Variants in PDIA5 observed in about 807,000 individuals in gnomAD.
PDIA5 encodes protein disulfide isomerase family A member 5.
A neutral mutation model predicts 77.6 loss-of-function variants in PDIA5; 58 were observed. That is an observed-to-expected ratio of 0.75 (90% CI 0.61 to 0.93). PDIA5 has a LOEUF of 0.93. Among genes scored for constraint, PDIA5 ranks in the 40% least tolerant of loss-of-function variants. The probability of loss-of-function intolerance (pLI) is 0.00; values close to 1 mark genes in which losing one functional copy is unlikely to be tolerated. For missense variants in PDIA5, 630 were observed against 647.7 expected (o/e 0.97, Z 0.30); for synonymous variants, 250 against 252.1 (o/e 0.99, Z 0.08).
chr3:123,123,430 G>A (rs1482352517), intron 8 of PDIA5, among the ~76,000 whole-genome samples: 1 of 152,206 alleles, frequency 6.6e-6, no homozygotes, highest in African/African-American at 2.4e-5. Context: ...CCAACAGGAG[G>A]AAACACTGGG....
At chr3:123,108,558 G>C (rs1438589859) in intron 6 of PDIA5, among the ~76,000 whole-genome samples, 1 of 149,400 alleles carries the variant, frequency 6.7e-6, no homozygotes, top group East Asian at 2.1e-4. Context: ...GAGATTACAG[G>C]CGTGAGCCAC....
chr3:123,086,478 G>C (rs1268087129), intron 1 of PDIA5, among the ~76,000 whole-genome samples: 1 of 152,166 alleles, frequency 6.6e-6, no homozygotes, highest in Non-Finnish European at 1.5e-5. Context: ...TCAGATCCTG[G>C]CTCTACTTAC....
intron 8 of PDIA5, among the ~76,000 whole-genome samples, chr3:123,122,445 A>G (rs1307277487): frequency 1.4e-5 from 2 of 147,416 alleles, no homozygotes; most frequent in Non-Finnish European, 3.0e-5. Flanking sequence ...ATGGGCTAGG[A>G]AAAAAAAAAC....
At chr3:123,091,379 A>G (rs1934277976) in intron 2 of PDIA5, among the ~76,000 whole-genome samples, 2 of 152,102 alleles carry the variant, frequency 1.3e-5, no homozygotes. Flanking sequence ...AAAGCAGCAG[A>G]TCGCTCTCCC....
At chr3:123,104,553 G>A (rs537405783) in intron 5 of PDIA5, among the ~76,000 whole-genome samples, 3 of 152,392 alleles carry the variant, frequency 2.0e-5, no homozygotes, top group East Asian at 1.9e-4. Flanking sequence ...GGTCACAGAC[G>A]CTGTGCCACG....
chr3:123,130,697 C>T (rs1229989612), intron 11 of PDIA5, 81 bp downstream of exon 11: 32 of 1,496,088 alleles, frequency 2.1e-5, no homozygotes, highest in South Asian at 3.6e-5. Context: ...CAATGTGAAC[C>T]CAGGAAGCAC....
intron 6 of PDIA5, among the ~76,000 whole-genome samples, chr3:123,107,939 C>G (rs1041797127): frequency 6.6e-6 from 1 of 152,166 alleles, no homozygotes; most frequent in Non-Finnish European, 1.5e-5. Flanking sequence ...AGTGGGACTA[C>G]AGGCACATGC....
intron 3 of PDIA5, among the ~76,000 whole-genome samples, chr3:123,095,799 G>C (rs1934420813): frequency 1.3e-5 from 2 of 151,814 alleles, no homozygotes; most frequent in African/African-American, 4.8e-5. Context: ...GAATTTGTAG[G>C]ACTAAATGTC....
At chr3:123,107,038 G>A (rs1934752771) in intron 6 of PDIA5, among the ~76,000 whole-genome samples, 197 bp downstream of exon 6, 1 of 152,170 alleles carries the variant, frequency 6.6e-6, no homozygotes, top group Non-Finnish European at 1.5e-5. Context: ...GGTGATCACA[G>A]GTTGCCTGAG....
chr3:123,118,117 G>C (rs939546502), intron 8 of PDIA5, among the ~76,000 whole-genome samples: 2 of 152,224 alleles, frequency 1.3e-5, no homozygotes, highest in African/African-American at 4.8e-5. Context: ...TGCTCGCCAA[G>C]CTGCAAGATG....
chr3:123,114,135 T>C (rs1277223500), intron 7 of PDIA5, among the ~76,000 whole-genome samples: 1 of 152,236 alleles, frequency 6.6e-6, no homozygotes, highest in Non-Finnish European at 1.5e-5. Flanking sequence ...CAGGGTGTTA[T>C]TGCTGCAGGC....
At chr3:123,107,888 A>C (rs1934773488) in intron 6 of PDIA5, among the ~76,000 whole-genome samples, 1 of 151,894 alleles carries the variant, frequency 6.6e-6, no homozygotes, top group African/African-American at 2.4e-5. Flanking sequence ...TGTAACCTTG[A>C]ATTCCTGGGC....
intron 13 of PDIA5, among the ~76,000 whole-genome samples, chr3:123,147,062 C>T (rs557656494): frequency 4.6e-5 from 7 of 152,192 alleles, no homozygotes; most frequent in Non-Finnish European, 1.0e-4. Context: ...CCACCCGCCT[C>T]AGCCTCCCAA....
Position 123,067,058 on chromosome 3 carries a change from G to T in PDIA5, c.-107G>T. ...CACCGGGAACTCGGAGGCGGGGAGC[G>T]GCTGGGAAGTGGCCGTGGTGGTTGG... is the stretch of plus-strand genomic sequence containing the variant. On this transcript the variant is annotated 5_prime_UTR_variant, in exon 1 of 17. Coordinates refer to ENST00000316218, the MANE Select transcript of PDIA5 (RefSeq NM_006810.4). The T allele has an allele frequency of 2.1e-6, 2 of 942,214 alleles. No homozygotes were observed. The highest frequency in any genetic ancestry group is 5.3e-5 in the South Asian group (1 of 18,926). The allele number at this position is 942,214 out of a possible 1,614,324, so 58.4% of individuals were successfully genotyped here.
At chr3:123,068,978 C>T (rs1389746661) in intron 1 of PDIA5, among the ~76,000 whole-genome samples, 2 of 152,182 alleles carry the variant, frequency 1.3e-5, no homozygotes, top group African/African-American at 2.4e-5. Context: ...TGGAGGGCTG[C>T]AGGTCCCCTT....
At chr3:123,106,577 TCAGTGGA>T (rs1242517800) in intron 5 of PDIA5, among the ~76,000 whole-genome samples, 165 bp from the exon 6 acceptor site, 1 of 152,160 alleles carries the variant, frequency 6.6e-6, no homozygotes, top group Non-Finnish European at 1.5e-5. Flanking sequence ...ATCCATGATG[TCAGTGGA>T]CAGCGGAAAT....
chr3:123,069,990 T>C (rs1933681963), intron 1 of PDIA5, among the ~76,000 whole-genome samples: 1 of 151,046 alleles, frequency 6.6e-6, no homozygotes, highest in South Asian at 2.1e-4. Flanking sequence ...CTCAGAAGGC[T>C]GAGGCAGGAG....
chr3:123,091,572 C>T (rs1341191255), intron 2 of PDIA5, among the ~76,000 whole-genome samples: 1 of 152,158 alleles, frequency 6.6e-6, no homozygotes, highest in East Asian at 1.9e-4. Context: ...ACCCTGCCCT[C>T]CCACAGTAGT....
intron 1 of PDIA5, among the ~76,000 whole-genome samples, chr3:123,082,684 G>C (rs1934039853): frequency 6.6e-6 from 1 of 152,044 alleles, no homozygotes; most frequent in East Asian, 1.9e-4. Context: ...CTTATAAGTT[G>C]TCTCGCTAAT....
Sources: gnomAD v4.1 joint callset for allele counts (sites outside exome capture counted in the v4.1 genomes callset) on GRCh38, gnomAD v4.1.1 for gene constraint, MANE v1.5 for transcripts, NCBI Gene and HGNC (gene_info 2026-07-23, HGNC 2026-07-21) for gene names.